CFAP73: variants seen among roughly 807,000 people sequenced by gnomAD.
CFAP73 encodes cilia and flagella associated protein 73.
CFAP73 carries 33 observed loss-of-function variants against 42.9 expected under a neutral mutation model. That is an observed-to-expected ratio of 0.77 (90% confidence interval 0.58 to 1.03). CFAP73 has a LOEUF of 1.03. CFAP73 is among the 50% of genes least tolerant of loss of function. The pLI, the probability that CFAP73 is intolerant of heterozygous loss-of-function variation, is 0.00. For missense variants in CFAP73, 392 were observed against 411.9 expected (o/e 0.95, Z 0.42); for synonymous variants, 162 against 186.8 (o/e 0.87, Z 1.08).
In CFAP73 at chr12:113,159,143, TGGGATCACTCCCA is replaced by T; in HGVS notation, c.*455_*467del. The T allele has an allele frequency of 6.4e-7, 1 of 1,551,192 alleles. No individual in the cohort carries two copies. On this transcript the variant is annotated 3_prime_UTR_variant, in exon 8 of 8. Transcript: ENST00000335621. The stretch of plus-strand genomic sequence containing the variant: ...ACAGGGATTCAGGGAGCTCAGCTGT[TGGGATCACTCCCA>T]AGATCCCCTCCTCCCAGAAGCTTGC...
intron 1 of CFAP73, among the ~76,000 whole-genome samples, chr12:113,150,133 G>A (rs1250900827): frequency 6.6e-6 from 1 of 152,084 alleles, no homozygotes; most frequent in African/African-American, 2.4e-5. Context: ...GCTGACATCC[G>A]GCTGAGATTA....
Position 113,154,971 on chromosome 12 carries a change from A to G in CFAP73, c.691-289A>G, listed in dbSNP as rs1353327194. On this transcript the variant is annotated intron_variant, in intron 5 of 7. Coordinates refer to ENST00000335621, the MANE Select transcript of CFAP73 (RefSeq NM_001144872.3). This position sits in a 1 kb window ranked among gnomAD's most constrained non-coding sequence, Gnocchi z 4.7. ...GATCACCTCAGGTCATGAGTTCGAG[A>G]CCAGCCTGGCCAACATGGTGAAACC... Among the ~76,000 whole-genome samples the G allele has an allele frequency of 1.3e-5, 2 of 152,174 alleles. No individual in the cohort carries two copies. The highest frequency in any genetic ancestry group is 4.8e-5 in the African/African-American group (2 of 41,458).
At position 113,151,974 on chromosome 12, in the gene CFAP73, A is replaced by T. The variant is rs1412920704; in HGVS notation, c.113A>T (p.Lys38Met). The change falls in exon 2 of 8, where the codon AAG becomes ATG. Residue 38 changes from lysine to methionine, a missense_variant. Transcript: ENST00000335621. ...HVPPVLRLLE[K>M]RQELVDADQA... ...CCACCAGTACTGCGTCTCCTGGAGAAGAGGCAAGAGCTGGTAGATGCAGAC... is the reference window on the plus strand; with the variant it reads ...CCACCAGTACTGCGTCTCCTGGAGATGAGGCAAGAGCTGGTAGATGCAGAC... The T allele has an allele frequency of 2.6e-6, 4 of 1,551,628 alleles. No individual in the cohort carries two copies. Among genetic ancestry groups the T allele is most frequent in the African/African-American group, 1.4e-5 (1 of 73,138 alleles).
At position 113,154,691 on chromosome 12, in the gene CFAP73, G is replaced by A. The variant is rs1203808001; in HGVS notation, c.690+56G>A. 1 of 1,378,422 alleles carries A rather than the reference G, an allele frequency of 7.3e-7. No homozygotes were observed. Among genetic ancestry groups the A allele is most frequent in the South Asian group, 1.7e-5 (1 of 59,142 alleles). 85.4% of individuals were successfully genotyped at this position (1,378,422 alleles called of 1,614,324 possible). Reference sequence around the variant, plus strand: ...GGACCCCAGGCTTCCACAGCCGGGCGGGGAGGAACGCCAGGGCTGATGAGG... The same window carrying A: ...GGACCCCAGGCTTCCACAGCCGGGCAGGGAGGAACGCCAGGGCTGATGAGG... On this transcript the variant is annotated intron_variant, in intron 5 of 7. Transcript: ENST00000335621. This position sits in a 1 kb window ranked among gnomAD's most constrained non-coding sequence, Gnocchi z 4.7.
rs913490083 is a variant in CFAP73 at position 113,157,567 on chromosome 12, G to C, written c.850-35G>C. 9.1e-6 allele frequency: 14 copies of C among 1,541,838 alleles called. No individual in the cohort carries two copies. The African/African-American group carries it at 1.9e-4, about 21-fold the overall frequency. On this transcript the variant is annotated intron_variant, in intron 6 of 7. Coordinates refer to ENST00000335621, the MANE Select transcript of CFAP73 (RefSeq NM_001144872.3). The stretch of plus-strand genomic sequence containing the variant: ...GGGTGGGGGCTGGACAGTGACTCTG[G>C]GGCTGGGATGTGACTTCGTGCTGGG...
chr12:113,150,529 C>T (rs540557248), intron 1 of CFAP73, among the ~76,000 whole-genome samples: 1 of 152,208 alleles, frequency 6.6e-6, no homozygotes, highest in African/African-American at 2.4e-5. Context: ...CCTTCCGGCT[C>T]CTGGGGTCAC....
intron 6 of CFAP73, chr12:113,157,193 T>C (rs1030513318): frequency 5.8e-6 from 1 of 171,490 alleles, no homozygotes; most frequent in African/African-American, 2.4e-5. Flanking sequence ...AATGGATCCA[T>C]GGTATTTATT....
At chr12:113,150,811 C>T (rs1952054997) in intron 1 of CFAP73, among the ~76,000 whole-genome samples, 1 of 152,132 alleles carries the variant, frequency 6.6e-6, no homozygotes, top group African/African-American at 2.4e-5. Context: ...CTCCTCCCTG[C>T]TCCCAATTCC....
At position 113,159,072 on chromosome 12, in the gene CFAP73, G is replaced by A; in HGVS notation, c.*383G>A. 1 of 1,607,678 alleles carries A rather than the reference G, an allele frequency of 6.2e-7. No homozygotes were observed. The highest frequency in any genetic ancestry group is 8.5e-7 in the Non-Finnish European group (1 of 1,177,848). ...TGGTCTTGAGTTCCGGGCGGACTCG[G>A]CCTGCAGGGGTGCCTGGGGCGTGGG... On this transcript the variant is annotated 3_prime_UTR_variant, in exon 8 of 8. Transcript: ENST00000335621.
chr12:113,150,711 T>C (rs552492740), intron 1 of CFAP73, among the ~76,000 whole-genome samples: 1 of 152,248 alleles, frequency 6.6e-6, no homozygotes, highest in African/African-American at 2.4e-5. Flanking sequence ...GGGCCCCTCC[T>C]CTGCCCAAAA....
Position 113,152,780 on chromosome 12 carries a change from C to CA in CFAP73, c.163-2dup. ...ACACAGACAACCCACTCCTCACCCC[C>CA]AGGTGTTCCGCACCAAGACGGCAGC... On this transcript the variant is annotated splice_region_variant and splice_polypyrimidine_tract_variant and intron_variant, in intron 2 of 7. Transcript: ENST00000335621. The CA allele has an allele frequency of 6.4e-7, 1 of 1,550,944 alleles. No homozygotes were observed. The highest frequency in any genetic ancestry group is 8.7e-7 in the Non-Finnish European group (1 of 1,146,356).
Position 113,157,630 on chromosome 12 carries a change from C to A in CFAP73, c.878C>A (p.Ala293Asp). 6.4e-7 allele frequency: 1 copy of A among 1,551,672 alleles called. No individual in the cohort carries two copies. The highest frequency in any genetic ancestry group is 8.7e-7 in the Non-Finnish European group (1 of 1,146,998). ...AAGCTGTTCATGCAGGACCTCTCTG[C>A]CATGCTGGCCGGCCTGGGTCAGGCT... is the stretch of plus-strand genomic sequence containing the variant. Reference protein sequence around the residue: ...HVKLFMQDLSAMLAGLGQAEP... With the variant: ...HVKLFMQDLSDMLAGLGQAEP... The change falls in exon 7 of 8, where the codon GCC (alanine) becomes GAC (aspartate). Residue 293 changes from alanine to aspartate, a missense_variant. Transcript: ENST00000335621.
In CFAP73 at chr12:113,153,220, C is replaced by A. The variant is rs549527224; in HGVS notation, c.280C>A (p.Arg94=). The A allele has an allele frequency of 1.1e-4, 166 of 1,518,332 alleles. 1 individual carries two copies. In the African/African-American group the frequency reaches 2.2e-3, roughly 20 times the overall value. 94.1% of individuals were successfully genotyped at this position (1,518,332 alleles called of 1,614,324 possible). A position where few individuals can be genotyped will look rare whatever the true frequency, so the allele number is the denominator to read the frequency against. ...CCGTACTCCCCAGGACTCCGAGGCC[C>A]GGCGCAATCGCGCGCTGCGGAGGGC... The part of the protein sequence containing the change: ...FDKFLQDSEA[R]RNRALRRAAE... The change falls in exon 4 of 8, where the codon CGG becomes AGG. Residue 94 remains arginine, a synonymous_variant. Coordinates refer to ENST00000335621, the MANE Select transcript of CFAP73 (RefSeq NM_001144872.3).
At position 113,151,964 on chromosome 12, in the gene CFAP73, C is replaced by T. The variant is rs1246309226; in HGVS notation, c.103C>T (p.Leu35Phe). 6.4e-7 allele frequency: 1 copy of T among 1,551,646 alleles called. No homozygotes were observed. The highest frequency in any genetic ancestry group is 8.7e-7 in the Non-Finnish European group (1 of 1,146,990). ...AEDHVPPVLR[L>F]LEKRQELVDA... Reference sequence around the variant, plus strand: ...GGATCATGTCCCACCAGTACTGCGTCTCCTGGAGAAGAGGCAAGAGCTGGT... The same window carrying T: ...GGATCATGTCCCACCAGTACTGCGTTTCCTGGAGAAGAGGCAAGAGCTGGT... Residue 35 changes from leucine to phenylalanine, a missense_variant, in exon 2 of 8, where the codon CTC (leucine) becomes TTC (phenylalanine). Transcript: ENST00000335621.
chr12:113,153,416 C>T lies in CFAP73; in HGVS notation c.468+8C>T. 7.1e-7 allele frequency: 1 copy of T among 1,412,922 alleles called. No individual in the cohort carries two copies. Among genetic ancestry groups the T allele is most frequent in the Non-Finnish European group, 9.2e-7 (1 of 1,090,994 alleles). The allele number at this position is 1,412,922 out of a possible 1,614,324, so 87.5% of individuals were successfully genotyped here. Reference sequence around the variant, plus strand: ...CTGGAGCTGCTGCCCGGGGTGAGTCCGGGGCAGGAGGCTGGGAGCTCGGCG... The same window carrying T: ...CTGGAGCTGCTGCCCGGGGTGAGTCTGGGGCAGGAGGCTGGGAGCTCGGCG... On this transcript the variant is annotated splice_region_variant and intron_variant, in intron 4 of 7. Coordinates refer to ENST00000335621, the MANE Select transcript of CFAP73 (RefSeq NM_001144872.3).
intron 1 of CFAP73, among the ~76,000 whole-genome samples, chr12:113,151,562 G>T (rs937242235): frequency 1.3e-5 from 2 of 152,148 alleles, no homozygotes; most frequent in Non-Finnish European, 1.5e-5. Flanking sequence ...GGAGGCTGAG[G>T]CAGGAGGATT....
At position 113,159,023 on chromosome 12, in the gene CFAP73, G is replaced by A. The variant is rs150324746; in HGVS notation, c.*334G>A. 4.5e-5 allele frequency: 73 copies of A among 1,611,494 alleles called. No individual in the cohort carries two copies. The highest frequency in any genetic ancestry group is 1.2e-4 in the African/African-American group (9 of 74,930). On this transcript the variant is annotated 3_prime_UTR_variant, in exon 8 of 8. Coordinates refer to ENST00000335621, the MANE Select transcript of CFAP73 (RefSeq NM_001144872.3). ...AGGAAGTGCAGCTTCTGGGCCCGGCGCCGCTGCTTCAGGATCTGCTGCTTG... is the reference window on the plus strand; with the variant it reads ...AGGAAGTGCAGCTTCTGGGCCCGGCACCGCTGCTTCAGGATCTGCTGCTTG...
Position 113,158,886 on chromosome 12 carries a change from C to T in CFAP73, c.*197C>T, listed in dbSNP as rs1297329112. 1 of 1,601,978 alleles carries T rather than the reference C, an allele frequency of 6.2e-7. No homozygotes were observed. Among genetic ancestry groups the T allele is most frequent in the Non-Finnish European group, 8.5e-7 (1 of 1,171,416 alleles). The stretch of plus-strand genomic sequence containing the variant: ...GGCTGGGTCCTGGTCCTCACATCCT[C>T]TTCCGCATCTTGCCCTTCTTGGAGC... On this transcript the variant is annotated 3_prime_UTR_variant, in exon 8 of 8. Transcript: ENST00000335621. The surrounding 1 kb of genome is among the most constrained non-coding windows in gnomAD (Gnocchi z 4.9).
At chr12:113,156,831 C>T (rs1276361227) in intron 6 of CFAP73, 2 of 152,118 alleles carry the variant, frequency 1.3e-5, no homozygotes, top group African/African-American at 2.4e-5. Context: ...GTAATTAATT[C>T]GTTGTAAACA....
Sources: gnomAD v4.1 joint callset for allele counts (sites outside exome capture counted in the v4.1 genomes callset) on GRCh38, gnomAD v4.1.1 for gene constraint, Gnocchi (gnomAD v3.1) non-coding constraint, MANE v1.5 for transcripts, NCBI Gene and HGNC (gene_info 2026-07-23, HGNC 2026-07-21) for gene names.